SNRPN: variants seen among roughly 807,000 people sequenced by gnomAD.
SNRPN encodes small nuclear ribonucleoprotein-associated protein N.
In SNRPN, 7 loss-of-function variants were observed where a neutral mutation model predicts 25.2. The observed-to-expected ratio is 0.28, with a 90% CI of 0.16 to 0.52. SNRPN has a LOEUF of 0.52. SNRPN is among the 20% of genes least tolerant of loss of function. The pLI is 0.96. For synonymous variants in SNRPN, 124 were observed against 110.6 expected (o/e 1.12, Z -0.76); for missense variants, 196 against 322.5 (o/e 0.61, Z 3.00).
intron 2 of SNRPN, among the ~76,000 whole-genome samples, chr15:24,846,710 G>A (rs1383423463): frequency 1.3e-5 from 2 of 152,202 alleles, no homozygotes; most frequent in African/African-American, 4.8e-5. Context: ...ACATCACAGG[G>A]AGAGTAACAA....
intron 1 of SNRPN, among the ~76,000 whole-genome samples, chr15:24,881,527 G>C (rs12913717): frequency 6.3e-5 from 1 of 15,968 alleles, no homozygotes; most frequent in African/African-American, 2.2e-4. Context: ...GCGAAACTCC[G>C]AGAGAGAGAG....
chr15:24,914,095 G>C (rs1240574597), intron 2 of SNRPN, among the ~76,000 whole-genome samples: 1 of 152,302 alleles, frequency 6.6e-6, no homozygotes, highest in African/African-American at 2.4e-5. Context: ...TGAGTGTGGA[G>C]AGTGGGGAGG....
intron 3 of SNRPN, among the ~76,000 whole-genome samples, chr15:24,945,644 T>C (rs1440413518): frequency 6.6e-6 from 1 of 152,226 alleles, no homozygotes; most frequent in East Asian, 1.9e-4. Context: ...ATGGTAAGAA[T>C]ATGTGCAAAG....
chr15:24,929,490 G>C lies in SNRPN; in HGVS notation c.-391+9366G>C, dbSNP rs975762154. Among the ~76,000 whole-genome samples, 2 of 152,260 alleles carry C rather than the reference G, an allele frequency of 1.3e-5. No homozygotes were observed. The highest frequency in any genetic ancestry group is 4.8e-5 in the African/African-American group (2 of 41,550). On this transcript the variant is annotated intron_variant, in intron 3 of 11. Coordinates refer to the SNRPN transcript ENST00000400097. This position sits in a 1 kb window ranked among gnomAD's most constrained non-coding sequence, Gnocchi z 5.3. ...TCTGCAGTGAAAGGGGCCAGGTCTA[G>C]GAAGATGGGGAATACTTGCAGGCAC...
At chr15:24,923,986 TG>T (rs2060219742) in intron 3 of SNRPN, among the ~76,000 whole-genome samples, 1 of 135,210 alleles carries the variant, frequency 7.4e-6, no homozygotes, top group South Asian at 2.6e-4. Flanking sequence ...GCTGGATGCC[TG>T]GCTTTTTGTA....
intron 2 of SNRPN, among the ~76,000 whole-genome samples, chr15:24,900,402 G>C (rs1284750273): frequency 6.6e-6 from 1 of 152,190 alleles, no homozygotes; most frequent in East Asian, 1.9e-4. Context: ...TTTAGACTCA[G>C]TTGAAACTGA....
intron 1 of SNRPN, among the ~76,000 whole-genome samples, chr15:24,875,567 T>C (rs2055771046): frequency 6.6e-6 from 1 of 152,148 alleles, no homozygotes; most frequent in Non-Finnish European, 1.5e-5. Context: ...AATATTCAAT[T>C]TCCTAGAACA....
intron 2 of SNRPN, among the ~76,000 whole-genome samples, chr15:24,902,209 A>G (rs1488690647): frequency 6.6e-6 from 1 of 152,184 alleles, no homozygotes; most frequent in Non-Finnish European, 1.5e-5. Context: ...TACTTGAGGC[A>G]TCTGTGAATT....
At position 24,977,915 on chromosome 15, in the gene SNRPN, A is replaced by C; in HGVS notation, c.558A>C (p.Pro186=). 6.4e-7 allele frequency: 1 copy of C among 1,559,714 alleles called. No individual in the cohort carries two copies. ...CCGTCGGCAGAGCAACCCCACCTCCAGGTAAGGGATTGGTGAACACGAAGA... is the reference window on the plus strand; with the variant it reads ...CCGTCGGCAGAGCAACCCCACCTCCCGGTAAGGGATTGGTGAACACGAAGA... The part of the protein sequence containing the change: ...PPPVGRATPP[P]GIMAPPPGMR... Residue 186 remains proline (P), a splice_region_variant and synonymous_variant, in exon 8 of 10, where the codon CCA becomes CCC. Transcript: ENST00000390687.
At chr15:24,878,510 C>T (rs911077382) in intron 1 of SNRPN, among the ~76,000 whole-genome samples, 1 of 152,342 alleles carries the variant, frequency 6.6e-6, no homozygotes, top group Non-Finnish European at 1.5e-5. Context: ...CCGCTTATGG[C>T]GCCCGCCGGG....
chr15:24,956,825 C>G (rs2063003180), intron 1 of SNRPN, among the ~76,000 whole-genome samples: 1 of 152,144 alleles, frequency 6.6e-6, no homozygotes, highest in South Asian at 2.1e-4. Flanking sequence ...TTTGTACCAC[C>G]TCCGCCTGTG....
Position 24,934,095 on chromosome 15 carries a change from C to T in SNRPN, c.-391+13971C>T, listed in dbSNP as rs141818712. On this transcript the variant is annotated intron_variant, in intron 3 of 11. Coordinates refer to the SNRPN transcript ENST00000400097. ...GGCGAATCACCTGAGTTTGGGAGTT[C>T]GAGACCAGCCTGGCCAACATGGTGA... Among the ~76,000 whole-genome samples the T allele has an allele frequency of 7.3e-3, 1,109 of 152,066 alleles. 23 individuals are homozygous for T. Among genetic ancestry groups the T allele is most frequent in the East Asian group, 0.061 (313 of 5,140 alleles).
At chr15:24,956,561 C>T (rs2062939231) in intron 1 of SNRPN, among the ~76,000 whole-genome samples, 1 of 152,206 alleles carries the variant, frequency 6.6e-6, no homozygotes, top group African/African-American at 2.4e-5. Context: ...GCAGAGGTGA[C>T]AGTCGCCTCC....
At chr15:24,925,808 C>G (rs1031333514) in intron 3 of SNRPN, among the ~76,000 whole-genome samples, 13 of 151,642 alleles carry the variant, frequency 8.6e-5, no homozygotes, top group Admixed American at 8.5e-4. Flanking sequence ...GTGGCGCGAT[C>G]TCGGCTCACT....
chr15:24,861,131 A>G (rs1464664188), intron 1 of SNRPN, among the ~76,000 whole-genome samples: 2 of 152,214 alleles, frequency 1.3e-5, no homozygotes, highest in Non-Finnish European at 2.9e-5. Context: ...AAATAAAAGG[A>G]TAATATCTCT....
chr15:24,970,035 C>T (rs533190707), intron 3 of SNRPN, among the ~76,000 whole-genome samples: 1 of 152,042 alleles, frequency 6.6e-6, no homozygotes, highest in African/African-American at 2.4e-5. Flanking sequence ...GAAGAAAACA[C>T]CAAAGTGGGG....
At chr15:24,886,757 A>G (rs1403574233) in intron 2 of SNRPN, among the ~76,000 whole-genome samples, 1 of 152,230 alleles carries the variant, frequency 6.6e-6, no homozygotes, top group Non-Finnish European at 1.5e-5. Context: ...TATGACAATG[A>G]CTTTGAGCAG....
At chr15:24,860,734 C>G (rs2053913764) in intron 1 of SNRPN, among the ~76,000 whole-genome samples, 1 of 152,112 alleles carries the variant, frequency 6.6e-6, no homozygotes, top group South Asian at 2.1e-4. Flanking sequence ...TGTACTGAAA[C>G]AGAAAAACAG....
intron 7 of SNRPN, 41 bp downstream of exon 7, chr15:24,977,070 T>G (rs748137773): frequency 3.4e-6 from 5 of 1,492,426 alleles, no homozygotes; most frequent in Non-Finnish European, 4.5e-6. Flanking sequence ...TGGGAGAATA[T>G]GACTAAGCCG....
Sources: gnomAD v4.1 joint callset for allele counts (sites outside exome capture counted in the v4.1 genomes callset) on GRCh38, gnomAD v4.1.1 for gene constraint, Gnocchi (gnomAD v3.1) non-coding constraint, MANE v1.5 for transcripts, NCBI Gene and HGNC (gene_info 2026-07-23, HGNC 2026-07-21) for gene names.